RPS6KC1: variants seen among roughly 807,000 people sequenced by gnomAD.
RPS6KC1 encodes the protein inactive ribosomal protein S6 kinase delta-1.
A neutral mutation model predicts 103.8 loss-of-function variants in RPS6KC1; 54 were observed. The observed-to-expected ratio is 0.52, with a 90% CI of 0.42 to 0.65. RPS6KC1 has a LOEUF of 0.65. RPS6KC1 is among the 30% of genes least tolerant of loss of function. The pLI, the probability that RPS6KC1 is intolerant of heterozygous loss-of-function variation, is 0.00. For missense variants in RPS6KC1, 1,151 were observed against 1,253.8 expected (o/e 0.92, Z 1.24); for synonymous variants, 439 against 438.7 (o/e 1.00, Z -0.01).
the RPS6KC1 span, among the ~76,000 whole-genome samples, chr1:213,383,845 C>T: frequency 1.3e-5 from 2 of 151,620 alleles, no homozygotes; most frequent in Non-Finnish European, 2.9e-5. Flanking sequence ...TCTTGGGAAA[C>T]TGAGTCAACT....
chr1:213,417,189 A>C, the RPS6KC1 span, among the ~76,000 whole-genome samples: 4 of 152,020 alleles, frequency 2.6e-5, no homozygotes, highest in African/African-American at 9.7e-5. Flanking sequence ...GCCGGGCCCC[A>C]ACCGCTTCCA....
At chr1:213,598,733 C>T in the RPS6KC1 span, among the ~76,000 whole-genome samples, 1 of 152,022 alleles carries the variant, frequency 6.6e-6, no homozygotes, top group Non-Finnish European at 1.5e-5. Flanking sequence ...GCCTGGCCAA[C>T]ATGATGAAAC....
chr1:213,208,699 T>C (rs2093423363), intron 8 of RPS6KC1, among the ~76,000 whole-genome samples: 1 of 152,014 alleles, frequency 6.6e-6, no homozygotes, highest in South Asian at 2.1e-4. Context: ...GTCCTCACCA[T>C]TTGGTGTACA....
the RPS6KC1 span, among the ~76,000 whole-genome samples, chr1:213,636,456 A>G: frequency 6.6e-6 from 1 of 152,206 alleles, no homozygotes; most frequent in African/African-American, 2.4e-5. Context: ...CTCAGAAATA[A>G]CACCACACAT....
the RPS6KC1 span, among the ~76,000 whole-genome samples, chr1:213,630,563 C>A: frequency 6.6e-6 from 1 of 152,156 alleles, no homozygotes; most frequent in African/African-American, 2.4e-5. Flanking sequence ...TCATCTGAAG[C>A]CTTCTTCTCT....
chr1:213,234,596 G>A (rs1048639974), intron 10 of RPS6KC1, among the ~76,000 whole-genome samples: 15 of 152,170 alleles, frequency 9.9e-5, no homozygotes, highest in African/African-American at 3.4e-4. Flanking sequence ...GTATCATTTG[G>A]TTGGAATGGA....
At chr1:213,449,189 A>G in the RPS6KC1 span, among the ~76,000 whole-genome samples, 4 of 152,196 alleles carry the variant, frequency 2.6e-5, no homozygotes, top group East Asian at 5.8e-4. Flanking sequence ...AGGTTCTTCC[A>G]GTGGAGTCGT....
the RPS6KC1 span, among the ~76,000 whole-genome samples, chr1:213,315,789 A>C: frequency 6.6e-6 from 1 of 152,228 alleles, no homozygotes; most frequent in South Asian, 2.1e-4. Context: ...AATGGGACTC[A>C]TGATACCTGC....
At chr1:213,860,228 T>C in the RPS6KC1 span, among the ~76,000 whole-genome samples, 2 of 151,390 alleles carry the variant, frequency 1.3e-5, no homozygotes, top group Admixed American at 1.3e-4. Flanking sequence ...TTTATTATAT[T>C]ATTATATTTG....
At chr1:213,343,936 C>G in the RPS6KC1 span, among the ~76,000 whole-genome samples, 2 of 152,096 alleles carry the variant, frequency 1.3e-5, no homozygotes, top group Non-Finnish European at 2.9e-5. Flanking sequence ...CTTTCTACTT[C>G]TAAGGAAGAA....
chr1:213,709,531 T>TG, the RPS6KC1 span, among the ~76,000 whole-genome samples: 1 of 50,640 alleles, frequency 2.0e-5, no homozygotes, highest in Non-Finnish European at 7.1e-5. Context: ...TTTTGAAGGG[T>TG]TTTTTGTGCC....
In RPS6KC1 at chr1:213,241,548, T is replaced by G. The variant is rs1274182698; in HGVS notation, c.2072T>G (p.Leu691Arg). Residue 691 changes from leucine (L) to arginine (R), a missense_variant, in exon 11 of 15, where the codon CTT (leucine) becomes CGT (arginine). Leu to Arg is a moderately radical substitution (Grantham distance 102). This residue lies in a region of RPS6KC1 where 959 missense variants were observed against 1,006.3 expected (regional missense o/e 0.95). Coordinates refer to ENST00000366960, the MANE Select transcript of RPS6KC1 (RefSeq NM_012424.6). Reference sequence around the variant, plus strand: ...GGTACTGATGAAGGAAGACCTGATCTTCTTGTAAATTTACCTGGTGAATTG... The same window carrying G: ...GGTACTGATGAAGGAAGACCTGATCGTCTTGTAAATTTACCTGGTGAATTG... ...VSGTDEGRPD[L>R]LVNLPGELES... 6.2e-7 allele frequency: 1 copy of G among 1,613,858 alleles called. No individual in the cohort carries two copies. The highest frequency in any genetic ancestry group is 1.3e-5 in the African/African-American group (1 of 74,920).
the RPS6KC1 span, among the ~76,000 whole-genome samples, chr1:213,375,280 T>C: frequency 5.9e-5 from 9 of 151,530 alleles, no homozygotes; most frequent in Non-Finnish European, 5.9e-5. Flanking sequence ...CACATACATA[T>C]ATACACACAT....
the RPS6KC1 span, among the ~76,000 whole-genome samples, chr1:213,391,498 T>C: frequency 6.6e-6 from 1 of 152,164 alleles, no homozygotes; most frequent in Non-Finnish European, 1.5e-5. Flanking sequence ...TCTGGTTTGA[T>C]TGACACATTG....
At chr1:213,577,517 T>A in the RPS6KC1 span, among the ~76,000 whole-genome samples, 1 of 152,316 alleles carries the variant, frequency 6.6e-6, no homozygotes, top group South Asian at 2.1e-4. Context: ...CAGAAGAAGA[T>A]ACGAAGATGT....
chr1:213,741,366 C>G, the RPS6KC1 span, among the ~76,000 whole-genome samples: 1 of 152,120 alleles, frequency 6.6e-6, no homozygotes, highest in African/African-American at 2.4e-5. Context: ...GCGTTTGTAG[C>G]TTCTCTGGAT....
chr1:213,264,123 A>T (rs777531758), intron 14 of RPS6KC1, among the ~76,000 whole-genome samples: 1 of 152,224 alleles, frequency 6.6e-6, no homozygotes, highest in Admixed American at 6.5e-5. Flanking sequence ...TCACAAACAC[A>T]AGAGTAATGT....
At chr1:213,364,113 CTG>C in the RPS6KC1 span, among the ~76,000 whole-genome samples, 1 of 152,158 alleles carries the variant, frequency 6.6e-6, no homozygotes, top group South Asian at 2.1e-4. Flanking sequence ...CTACTCAACT[CTG>C]TGGTGTAGCA....
At chr1:213,216,753 A>G (rs1000204065) in intron 8 of RPS6KC1, among the ~76,000 whole-genome samples, 3 of 152,156 alleles carry the variant, frequency 2.0e-5, no homozygotes, top group Non-Finnish European at 2.9e-5. Context: ...AAACTGAACA[A>G]CCTGCTCCTG....
Sources: gnomAD v4.1 joint callset for allele counts (sites outside exome capture counted in the v4.1 genomes callset) on GRCh38, gnomAD v4.1.1 for gene constraint, gnomAD v4.1.1 regional missense constraint, MANE v1.5 for transcripts, NCBI Gene and HGNC (gene_info 2026-07-23, HGNC 2026-07-21) for gene names.